Variants in EIF4G3 observed in about 807,000 individuals in gnomAD.
The protein encoded by EIF4G3 is eIF-4-gamma 3.
EIF4G3 carries 34 observed loss-of-function variants against 186.4 expected under a neutral mutation model. That is an observed-to-expected ratio of 0.18 (90% CI 0.14 to 0.24). The LOEUF is 0.24. Among genes scored for constraint, EIF4G3 ranks in the 10% least tolerant of loss-of-function variants. The pLI is 1.00. For missense variants in EIF4G3, 1,536 were observed against 1,948.5 expected (o/e 0.79, Z 3.99); for synonymous variants, 673 against 679.5 (o/e 0.99, Z 0.15).
At chr1:20,953,912 C>T (rs1174788042) in intron 12 of EIF4G3, among the ~76,000 whole-genome samples, 2 of 152,152 alleles carry the variant, frequency 1.3e-5, no homozygotes, top group Non-Finnish European at 2.9e-5. Flanking sequence ...GAGACACACC[C>T]ATCTATCTAC....
intron 4 of EIF4G3, among the ~76,000 whole-genome samples, chr1:21,017,375 T>C (rs1557531450): frequency 6.6e-6 from 1 of 152,034 alleles, no homozygotes; most frequent in Non-Finnish European, 1.5e-5. Flanking sequence ...ACGCCTGTAA[T>C]CCCAGCACTT....
chr1:21,065,443 T>C (rs1398671788), intron 3 of EIF4G3, among the ~76,000 whole-genome samples: 2 of 149,406 alleles, frequency 1.3e-5, no homozygotes, highest in Non-Finnish European at 3.0e-5. Context: ...GCACTTGTAG[T>C]CCTAGCTCTA....
chr1:20,859,236 T>C lies in EIF4G3; in HGVS notation c.3244+1149A>G, dbSNP rs537510068. Among the ~76,000 whole-genome samples, 7 of 152,340 alleles carry C rather than the reference T, an allele frequency of 4.6e-5. No individual in the cohort carries two copies. The East Asian group carries it at 1.4e-3, about 29-fold the overall frequency. ...TTTAGTCATATGTGAATATCCTCCA[T>C]GAATTAGGCTTTGGTATCTTCTCCT... On this transcript the variant is annotated intron_variant, in intron 24 of 36. Coordinates refer to ENST00000602326, the MANE Select transcript of EIF4G3 (RefSeq NM_001391906.1).
intron 12 of EIF4G3, among the ~76,000 whole-genome samples, chr1:20,952,211 G>C (rs2096251658): frequency 6.8e-6 from 1 of 146,830 alleles, no homozygotes; most frequent in African/African-American, 2.5e-5. Flanking sequence ...CAGGAGTGCA[G>C]TGGCACAACC....
At chr1:21,068,854 T>C (rs1184341758) in intron 3 of EIF4G3, among the ~76,000 whole-genome samples, 2 of 152,224 alleles carry the variant, frequency 1.3e-5, no homozygotes, top group African/African-American at 4.8e-5. Context: ...ATTTCAGATT[T>C]TGGAACACCT....
At chr1:21,022,344 C>A (rs2090929499) in intron 4 of EIF4G3, among the ~76,000 whole-genome samples, 2 of 152,154 alleles carry the variant, frequency 1.3e-5, no homozygotes, top group Admixed American at 1.3e-4. Context: ...ATTTTTAGGT[C>A]ATCACTGAGT....
chr1:21,084,097 C>T (rs1484124778), intron 3 of EIF4G3, among the ~76,000 whole-genome samples: 1 of 152,144 alleles, frequency 6.6e-6, no homozygotes, highest in Non-Finnish European at 1.5e-5. Flanking sequence ...AGTAAATTCA[C>T]ACCTACTCCT....
rs182634259 is a variant in EIF4G3 at position 21,115,400 on chromosome 1, C to T, written c.-271-26187G>A. ...ATTACATGAGCATGGCACCTCAAAA[C>T]AATTACAATAGTAAGATCAAAGATC... is the stretch of plus-strand genomic sequence containing the variant. On this transcript the variant is annotated intron_variant, in intron 2 of 36. Transcript: ENST00000602326. Among the ~76,000 whole-genome samples the T allele has an allele frequency of 9.9e-4, 151 of 152,238 alleles. 1 individual carries two copies. Among genetic ancestry groups the T allele is most frequent in the African/African-American group, 3.5e-3 (145 of 41,540 alleles).
At chr1:21,138,027 C>T (rs2097276406) in intron 2 of EIF4G3, among the ~76,000 whole-genome samples, 1 of 152,194 alleles carries the variant, frequency 6.6e-6, no homozygotes, top group African/African-American at 2.4e-5. Context: ...CACAACTCTA[C>T]TTTTCTGAAT....
At chr1:21,175,953 T>G (rs2098094542) in intron 2 of EIF4G3, 1 of 233,664 alleles carries the variant, frequency 4.3e-6, no homozygotes, top group Non-Finnish European at 8.2e-6. Context: ...CATGGCCAAG[T>G]GGGGCTAGCT....
intron 20 of EIF4G3, among the ~76,000 whole-genome samples, chr1:20,868,424 A>T (rs766575012): frequency 6.6e-6 from 1 of 152,004 alleles, no homozygotes; most frequent in Non-Finnish European, 1.5e-5. Context: ...GGAGAGAAAC[A>T]GCTCAGGTGT....
intron 11 of EIF4G3, among the ~76,000 whole-genome samples, chr1:20,970,953 A>C (rs1205787455): frequency 1.3e-5 from 2 of 152,242 alleles, no homozygotes; most frequent in African/African-American, 4.8e-5. Context: ...GAAAAGAGCG[A>C]GACTTTGTCT....
At chr1:20,940,058 G>A (rs1028549014) in intron 14 of EIF4G3, among the ~76,000 whole-genome samples, 4 of 151,912 alleles carry the variant, frequency 2.6e-5, no homozygotes, top group Admixed American at 2.6e-4. Flanking sequence ...GTTTCACTGT[G>A]TTGCCAAGGC....
chr1:21,092,343 ACTTGGTCACT>A (rs1354977149), intron 2 of EIF4G3, among the ~76,000 whole-genome samples: 1 of 152,180 alleles, frequency 6.6e-6, no homozygotes, highest in African/African-American at 2.4e-5. Flanking sequence ...GACGAAGCCC[ACTTGGTCACT>A]GTGGATAAGC....
rs558012448 is a variant in EIF4G3 at position 20,977,101 on chromosome 1, T to A, written c.493+3233A>T. 3.4e-3 allele frequency among the ~76,000 whole-genome samples: 498 copies of A among 144,592 alleles called. 3 individuals carry two copies. Among genetic ancestry groups the A allele is most frequent in the African/African-American group, 0.012 (480 of 39,986 alleles). The allele number at this position is 144,592 out of a possible 152,430, so 94.9% of individuals were successfully genotyped here. On this transcript the variant is annotated intron_variant, in intron 10 of 36. Transcript: ENST00000602326. ...TGTTAAATATAAATGAAAAAAAAAA[T>A]ACGTATCAAACTGTTAAATGTTATT...
chr1:20,817,628 C>A, intron 33 of EIF4G3, 90 bp from the exon 34 acceptor site: 3 of 670,998 alleles, frequency 4.5e-6, no homozygotes, highest in Non-Finnish European at 4.1e-6. Flanking sequence ...TAGGTTACGT[C>A]TTCTATTTTA....
At chr1:21,158,169 C>CTTTTTTTT (rs71014163) in intron 2 of EIF4G3, among the ~76,000 whole-genome samples, 2 of 99,514 alleles carry the variant, frequency 2.0e-5, no homozygotes, top group Non-Finnish European at 3.8e-5. Flanking sequence ...AAATACATAG[C>CTTTTTTTT]TTTTTTTTTT....
At chr1:20,968,579 A>C (rs1174343445) in intron 12 of EIF4G3, among the ~76,000 whole-genome samples, 2 of 152,218 alleles carry the variant, frequency 1.3e-5, no homozygotes, top group Non-Finnish European at 1.5e-5. Context: ...AAAAACAAGA[A>C]AGTAACATCT....
intron 1 of EIF4G3, among the ~76,000 whole-genome samples, 155 bp downstream of exon 1, chr1:21,176,567 A>ACGCCGCCGCCGC (rs948854829): frequency 1.3e-4 from 15 of 115,244 alleles, no homozygotes; most frequent in South Asian, 8.7e-4. Context: ...CACACGCCCG[A>ACGCCGCCGCCGC]CGCCGCCGCC....
Sources: gnomAD v4.1 joint callset for allele counts (sites outside exome capture counted in the v4.1 genomes callset) on GRCh38, gnomAD v4.1.1 for gene constraint, MANE v1.5 for transcripts, NCBI Gene and HGNC (gene_info 2026-07-23, HGNC 2026-07-21) for gene names.